The following ANKRD12 variants were observed in gnomAD, a reference collection of about 807,000 sequenced individuals.
The protein encoded by ANKRD12 is ankyrin repeat domain 12.
Under a neutral mutation model 183.4 loss-of-function variants are expected in ANKRD12, and 85 were observed. The ratio of observed to expected loss-of-function variants is 0.46; its 90% CI spans 0.39 to 0.56. The LOEUF is 0.56. Ranked by LOEUF, ANKRD12 falls within the 20% of genes least tolerant of loss-of-function variation. The pLI is 0.00. For synonymous variants in ANKRD12, 914 were observed against 800.2 expected (o/e 1.14, Z -2.40); for missense variants, 2,405 against 2,357.1 (o/e 1.02, Z -0.42).
chr18:9,189,056 A>G (rs1413132975), intron 2 of ANKRD12, among the ~76,000 whole-genome samples: 1 of 152,174 alleles, frequency 6.6e-6, no homozygotes, highest in African/African-American at 2.4e-5. Flanking sequence ...CTCTTGTGCC[A>G]GTTAACCAAG....
intron 7 of ANKRD12, among the ~76,000 whole-genome samples, chr18:9,220,883 A>G (rs552059720): frequency 1.6e-3 from 243 of 152,318 alleles, no homozygotes; most frequent in Non-Finnish European, 2.5e-3. Context: ...AGATCTTTTC[A>G]GGTCTTAAAA....
At chr18:9,265,402 C>G (rs960062635) in intron 10 of ANKRD12, among the ~76,000 whole-genome samples, 1 of 152,142 alleles carries the variant, frequency 6.6e-6, no homozygotes, top group Non-Finnish European at 1.5e-5. Context: ...ACACCTCACA[C>G]GGCTGGGTAC....
At chr18:9,202,392 A>G (rs1052279771) in intron 3 of ANKRD12, among the ~76,000 whole-genome samples, 2 of 152,218 alleles carry the variant, frequency 1.3e-5, no homozygotes, top group African/African-American at 4.8e-5. Flanking sequence ...GAACTATATT[A>G]AAATAGATAA....
intron 8 of ANKRD12, among the ~76,000 whole-genome samples, chr18:9,253,679 C>T (rs2038428957): frequency 6.6e-6 from 1 of 152,112 alleles, no homozygotes; most frequent in African/African-American, 2.4e-5. Flanking sequence ...TACTAATTTC[C>T]TCTCACCCCA....
intron 3 of ANKRD12, among the ~76,000 whole-genome samples, chr18:9,203,674 A>C (rs1173609947): frequency 2.6e-5 from 4 of 152,058 alleles, no homozygotes; most frequent in Non-Finnish European, 5.9e-5. Flanking sequence ...GCATGATCTC[A>C]GCTTACCGCA....
At chr18:9,277,409 G>C (rs2039898422) in intron 11 of ANKRD12, among the ~76,000 whole-genome samples, 1 of 143,930 alleles carries the variant, frequency 6.9e-6, no homozygotes, top group Non-Finnish European at 1.5e-5. Flanking sequence ...CTCACTGCAA[G>C]CTCTGCCTCC....
chr18:9,268,496 T>C (rs1413888207), intron 10 of ANKRD12, among the ~76,000 whole-genome samples: 8 of 152,128 alleles, frequency 5.3e-5, no homozygotes, highest in Non-Finnish European at 8.8e-5. Context: ...TAATCCAGCA[T>C]ATAAACAAAA....
intron 1 of ANKRD12, among the ~76,000 whole-genome samples, chr18:9,169,063 G>A (rs548419839): frequency 6.8e-4 from 104 of 152,266 alleles, no homozygotes; most frequent in African/African-American, 2.3e-3. Flanking sequence ...GTTCTAGTTT[G>A]ATTGCACTGT....
intron 10 of ANKRD12, among the ~76,000 whole-genome samples, chr18:9,264,723 AAGAAGTCAGGTAAT>A (rs2039179290): frequency 6.6e-6 from 1 of 152,180 alleles, no homozygotes; most frequent in Non-Finnish European, 1.5e-5. Flanking sequence ...TGTTAGCAAT[AAGAAGTCAGGTAAT>A]ATAACACACA....
chr18:9,179,782 T>A (rs946022889), intron 1 of ANKRD12, among the ~76,000 whole-genome samples: 2 of 152,230 alleles, frequency 1.3e-5, no homozygotes, highest in Non-Finnish European at 2.9e-5. Flanking sequence ...CCTCCCAAAG[T>A]GCTGGGATTA....
chr18:9,143,563 C>T (rs751344184), intron 1 of ANKRD12, among the ~76,000 whole-genome samples: 4 of 152,162 alleles, frequency 2.6e-5, no homozygotes, highest in Non-Finnish European at 4.4e-5. Flanking sequence ...TGGTTTCAAG[C>T]GATTCTCCTG....
intron 1 of ANKRD12, among the ~76,000 whole-genome samples, chr18:9,157,583 G>GTATATATATATATATATATATATA (rs1184683418): frequency 9.9e-6 from 1 of 100,592 alleles, no homozygotes; most frequent in Admixed American, 1.1e-4. Flanking sequence ...GTGTGTGTGT[G>GTATATATATATATATATATATATA]TGTATATATA....
At chr18:9,267,472 C>G (rs914010262) in intron 10 of ANKRD12, among the ~76,000 whole-genome samples, 1 of 152,142 alleles carries the variant, frequency 6.6e-6, no homozygotes, top group African/African-American at 2.4e-5. Flanking sequence ...GAAACTCACT[C>G]AAAACCACTC....
chr18:9,157,485 C>G (rs2030668335), intron 1 of ANKRD12, among the ~76,000 whole-genome samples: 1 of 150,406 alleles, frequency 6.6e-6, no homozygotes, highest in African/African-American at 2.5e-5. Context: ...TAAGTCGAAC[C>G]ATTGTAAGCT....
chr18:9,231,253 G>A (rs987517788), intron 8 of ANKRD12, among the ~76,000 whole-genome samples: 3 of 152,168 alleles, frequency 2.0e-5, no homozygotes, highest in African/African-American at 7.2e-5. Context: ...TTCTGAAAGT[G>A]TCTGTTAGGT....
At chr18:9,229,529 C>A (rs1314180597) in intron 8 of ANKRD12, among the ~76,000 whole-genome samples, 1 of 151,920 alleles carries the variant, frequency 6.6e-6, no homozygotes, top group African/African-American at 2.4e-5. Context: ...AAAGTTATTC[C>A]TAGTTGTTTG....
At chr18:9,142,730 A>C (rs1163650792) in intron 1 of ANKRD12, among the ~76,000 whole-genome samples, 2 of 152,054 alleles carry the variant, frequency 1.3e-5, no homozygotes, top group African/African-American at 4.8e-5. Flanking sequence ...AAAGAATACA[A>C]AAAATTAGCT....
chr18:9,137,575 C>A (rs1166727203), intron 1 of ANKRD12: 1 of 150,368 alleles, frequency 6.7e-6, no homozygotes, highest in Middle Eastern at 3.2e-3. Context: ...GCCGCTCGGG[C>A]CGGGAGCGTC....
At position 9,187,810 on chromosome 18, in the gene ANKRD12, A is replaced by G. The variant is rs892079968; in HGVS notation, c.87+5291A>G. 3.3e-5 allele frequency among the ~76,000 whole-genome samples: 5 copies of G among 152,242 alleles called. No homozygotes were observed. The East Asian group carries it at 9.6e-4, about 29-fold the overall frequency. Reference sequence around the variant, plus strand: ...GATAGTCTAAAACCTGGTTAAATTCATAAAATGTGAGAGAGGGGATATTAA... The same window carrying G: ...GATAGTCTAAAACCTGGTTAAATTCGTAAAATGTGAGAGAGGGGATATTAA... On this transcript the variant is annotated intron_variant, in intron 2 of 12. Transcript: ENST00000262126.
Sources: gnomAD v4.1 joint callset for allele counts (sites outside exome capture counted in the v4.1 genomes callset) on GRCh38, gnomAD v4.1.1 for gene constraint, MANE v1.5 for transcripts, NCBI Gene and HGNC (gene_info 2026-07-23, HGNC 2026-07-21) for gene names.